The following ARFGEF1 variants were observed in gnomAD, a reference collection of about 807,000 sequenced individuals.
ARFGEF1 encodes ARF guanine nucleotide exchange factor 1, also known as brefeldin A-inhibited guanine nucleotide-exchange protein 1.
ARFGEF1 carries 42 observed loss-of-function variants against 231.0 expected under a neutral mutation model. The ratio of observed to expected loss-of-function variants is 0.18; its 90% CI spans 0.14 to 0.24. The LOEUF is 0.24. Among genes scored for constraint, ARFGEF1 ranks in the 10% least tolerant of loss-of-function variants. The pLI is 1.00. For synonymous variants in ARFGEF1, 710 were observed against 732.3 expected, an observed-to-expected ratio of 0.97 and a Z score of 0.49; for missense variants, 1,345 against 2,192.0, an observed-to-expected ratio of 0.61 and a Z score of 7.72.
chr8:67,239,292 C>T (rs986315429), intron 20 of ARFGEF1, among the ~76,000 whole-genome samples: 1 of 152,134 alleles, frequency 6.6e-6, no homozygotes, highest in African/African-American at 2.4e-5. Context: ...AGGCTTGAGC[C>T]ACCATGCCTG....
chr8:67,314,000 G>T (rs1220825346), intron 1 of ARFGEF1, among the ~76,000 whole-genome samples: 1 of 152,048 alleles, frequency 6.6e-6, no homozygotes, highest in Non-Finnish European at 1.5e-5. Context: ...TATCTAGGAG[G>T]ATTATGGCTG....
chr8:67,302,613 T>C (rs1806543006), intron 1 of ARFGEF1, 147 bp from the exon 2 acceptor site: 1 of 501,430 alleles, frequency 2.0e-6, no homozygotes. Context: ...TAAAATTGTT[T>C]CATCTAAATT....
At chr8:67,312,842 C>A (rs1348685301) in intron 1 of ARFGEF1, among the ~76,000 whole-genome samples, 1 of 152,154 alleles carries the variant, frequency 6.6e-6, no homozygotes, top group Non-Finnish European at 1.5e-5. Flanking sequence ...AAAATGCTGA[C>A]ATCAGTATAC....
intron 1 of ARFGEF1, among the ~76,000 whole-genome samples, chr8:67,315,990 A>T (rs576765711): frequency 2.0e-5 from 3 of 152,270 alleles, no homozygotes; most frequent in African/African-American, 7.2e-5. Flanking sequence ...AGCAGAAATC[A>T]ACAAAACTGA....
intron 5 of ARFGEF1, among the ~76,000 whole-genome samples, chr8:67,181,427 C>CA (rs1332803605): frequency 1.4e-5 from 2 of 146,484 alleles, no homozygotes; most frequent in Non-Finnish European, 3.0e-5. Flanking sequence ...CAGCAGGAGA[C>CA]AGGGATGGGA....
intron 1 of ARFGEF1, among the ~76,000 whole-genome samples, chr8:67,316,583 C>T (rs1210921273): frequency 6.6e-6 from 1 of 152,076 alleles, no homozygotes; most frequent in African/African-American, 2.4e-5. Context: ...ACCTCAGCCT[C>T]CCAAGTAGCT....
At chr8:67,283,087 A>G (rs1444123028) in intron 7 of ARFGEF1, among the ~76,000 whole-genome samples, 1 of 152,140 alleles carries the variant, frequency 6.6e-6, no homozygotes, top group African/African-American at 2.4e-5. Flanking sequence ...AAAATGGCCA[A>G]TGTTTGACCT....
At chr8:67,220,597 G>GTCTT (rs1382129106) in intron 29 of ARFGEF1, among the ~76,000 whole-genome samples, 1 of 152,192 alleles carries the variant, frequency 6.6e-6, no homozygotes, top group African/African-American at 2.4e-5. Flanking sequence ...ACTAGCAGTG[G>GTCTT]TAAAGAAACC....
intron 1 of ARFGEF1, among the ~76,000 whole-genome samples, chr8:67,323,057 G>A (rs1403995821): frequency 6.6e-6 from 1 of 152,138 alleles, no homozygotes; most frequent in Non-Finnish European, 1.5e-5. Context: ...TTTGAGACCA[G>A]CCTGGCCAAC....
intron 20 of ARFGEF1, 98 bp from the exon 21 acceptor site, chr8:67,238,991 GTTT>G: frequency 2.1e-5 from 13 of 620,118 alleles, no homozygotes; most frequent in East Asian, 7.8e-5. Flanking sequence ...GTAAGATTTT[GTTT>G]TTTTTTTTTT....
At chr8:67,231,415 T>C (rs1177808019) in intron 23 of ARFGEF1, among the ~76,000 whole-genome samples, 1 of 152,026 alleles carries the variant, frequency 6.6e-6, no homozygotes, top group East Asian at 1.9e-4. Flanking sequence ...TTATGCTAAA[T>C]CTCCTCTGAA....
chr8:67,297,862 G>A (rs139594941), intron 4 of ARFGEF1, among the ~76,000 whole-genome samples: 2 of 149,854 alleles, frequency 1.3e-5, no homozygotes, highest in Non-Finnish European at 3.0e-5. Flanking sequence ...GAAGTGCAGT[G>A]CAGTGAACAT....
At chr8:67,211,129 A>C (rs973775608) in intron 34 of ARFGEF1, among the ~76,000 whole-genome samples, 4 of 151,542 alleles carry the variant, frequency 2.6e-5, no homozygotes, top group African/African-American at 9.7e-5. Context: ...GCAGATCACA[A>C]GGTCAGGAGT....
intron 5 of ARFGEF1, among the ~76,000 whole-genome samples, chr8:67,185,678 C>T (rs577576176): frequency 1.5e-3 from 223 of 152,112 alleles, no homozygotes; most frequent in African/African-American, 5.1e-3. Context: ...GCAGTCTACC[C>T]CTGGAGGTGG....
chr8:67,276,212 T>A (rs926455756), intron 8 of ARFGEF1, 103 bp from the exon 9 acceptor site: 60 of 1,307,348 alleles, frequency 4.6e-5, no homozygotes, highest in Non-Finnish European at 5.6e-5. Context: ...AGGTGGAGAT[T>A]CCCCCACTGT....
chr8:67,249,602 G>A (rs1840213209), intron 19 of ARFGEF1, among the ~76,000 whole-genome samples: 1 of 150,178 alleles, frequency 6.7e-6, no homozygotes, highest in Non-Finnish European at 1.5e-5. Flanking sequence ...AGAACTCTCA[G>A]AGAGGGTGAT....
At chr8:67,263,502 T>C (rs1427848774) in intron 14 of ARFGEF1, among the ~76,000 whole-genome samples, 3 of 152,182 alleles carry the variant, frequency 2.0e-5, no homozygotes, top group Non-Finnish European at 4.4e-5. Flanking sequence ...TTCTGTAATT[T>C]AGATCCAACC....
intron 1 of ARFGEF1, among the ~76,000 whole-genome samples, chr8:67,336,282 C>T (rs78874778): frequency 6.6e-6 from 1 of 152,116 alleles, no homozygotes; most frequent in African/African-American, 2.4e-5. Context: ...ATGAAACAAT[C>T]AGAGATGAGC....
intron 17 of ARFGEF1, 70 bp from the exon 18 acceptor site, chr8:67,253,692 A>T (rs1336830449): frequency 6.1e-6 from 5 of 818,498 alleles, no homozygotes; most frequent in African/African-American, 3.6e-5. Flanking sequence ...TAAGGATATG[A>T]ATATTTACAT....
Sources: allele counts gnomAD v4.1 joint callset (sites outside exome capture counted in the v4.1 genomes callset), GRCh38; gene constraint gnomAD v4.1.1; transcripts MANE v1.5; gene names NCBI Gene and HGNC (gene_info 2026-07-23, HGNC 2026-07-21).